Variants in ATP8A2 observed in about 807,000 individuals in gnomAD.
The protein encoded by ATP8A2 is ATPase phospholipid transporting 8A2, also known as phospholipid-transporting ATPase IB.
In ATP8A2, 100 loss-of-function variants were observed where a neutral mutation model predicts 165.6. The ratio of observed to expected loss-of-function variants is 0.60; its 90% CI spans 0.51 to 0.71. The LOEUF is 0.71. ATP8A2 is among the 30% of genes least tolerant of loss of function. The pLI, the probability that ATP8A2 is intolerant of heterozygous loss-of-function variation, is 0.00. For missense variants in ATP8A2, 1,227 were observed against 1,479.5 expected (o/e 0.83, Z 2.80); for synonymous variants, 543 against 548.8 (o/e 0.99, Z 0.15).
chr13:25,838,522 GC>G (rs1951678158), intron 29 of ATP8A2, among the ~76,000 whole-genome samples: 1 of 151,634 alleles, frequency 6.6e-6, no homozygotes, highest in African/African-American at 2.4e-5. Context: ...GTAAGTAAGA[GC>G]TGAGAATGCA....
chr13:25,399,815 A>C (rs1360938753), intron 1 of ATP8A2, among the ~76,000 whole-genome samples: 664 of 87,650 alleles, frequency 7.6e-3, no homozygotes, highest in East Asian at 0.013. Context: ...TCTCCTTCCT[A>C]CTCTTCCTCT....
intron 7 of ATP8A2, among the ~76,000 whole-genome samples, chr13:25,539,018 G>A (rs1419870477): frequency 6.6e-6 from 1 of 151,580 alleles, no homozygotes; most frequent in African/African-American, 2.4e-5. Flanking sequence ...TGATAGTTCG[G>A]GCTTTAAGTC....
In ATP8A2 at chr13:25,961,442, C is replaced by T. The variant is rs571662853; in HGVS notation, c.3184-133C>T. ...CGTCCCCCTGATGGTCCTGCCAGTG[C>T]ATGGGTTACCTCTCATTGCATTTAG... is the stretch of plus-strand genomic sequence containing the variant. On this transcript the variant is annotated intron_variant, in intron 33 of 36. Transcript: ENST00000381655. 9 of 685,580 alleles carry T rather than the reference C, an allele frequency of 1.3e-5. No homozygotes were observed. In the South Asian group the frequency reaches 1.6e-4, roughly 12 times the overall value. 42.5% of individuals were successfully genotyped at this position (685,580 alleles called of 1,614,324 possible).
At chr13:25,700,664 A>T (rs1372131439) in intron 25 of ATP8A2, among the ~76,000 whole-genome samples, 1 of 152,144 alleles carries the variant, frequency 6.6e-6, no homozygotes, top group Non-Finnish European at 1.5e-5. Flanking sequence ...TACTGTGAAG[A>T]TTGATGTACA....
intron 25 of ATP8A2, among the ~76,000 whole-genome samples, chr13:25,732,266 G>A (rs148165053): frequency 1.3e-4 from 20 of 152,280 alleles, no homozygotes; most frequent in Middle Eastern, 3.4e-3. Flanking sequence ...GAGCAGCCTC[G>A]CATGTTGGGA....
In ATP8A2 at chr13:25,577,136, GC is replaced by G; in HGVS notation, c.1781del (p.Ala594ValfsTer4). On this transcript the variant is annotated frameshift_variant and splice_region_variant, in exon 20 of 37. Coordinates refer to ENST00000381655, the MANE Select transcript of ATP8A2 (RefSeq NM_016529.6). LOFTEE classifies it high-confidence loss of function. Reference sequence around the variant, plus strand: ...ACGACTTCGGCTTTACTGTAAAGGGGCTGTAAGTACCGGAGAAGCGTTGTGC... The same window carrying G: ...ACGACTTCGGCTTTACTGTAAAGGGGTGTAAGTACCGGAGAAGCGTTGTGC... Reference protein sequence around the residue: ...SGRLRLYCKGADNVIFERLSK... With the variant: ...SGRLRLYCKGXDNVIFERLSK... The G allele has an allele frequency of 6.2e-7, 1 of 1,613,684 alleles. No individual in the cohort carries two copies. Among genetic ancestry groups the G allele is most frequent in the Non-Finnish European group, 8.5e-7 (1 of 1,179,606 alleles).
rs200688917 is a variant in ATP8A2 at position 25,410,209 on chromosome 13, G to GT, written c.76+37929dup. On this transcript the variant is annotated intron_variant, in intron 1 of 36. Coordinates refer to ENST00000381655, the MANE Select transcript of ATP8A2 (RefSeq NM_016529.6). Reference sequence around the variant, plus strand: ...GAATTTATGTAGACAGTCCGTAGTGGTTTTTTTTCCCCCTTATGGTAAAGT... The same window carrying GT: ...GAATTTATGTAGACAGTCCGTAGTGGTTTTTTTTTCCCCCTTATGGTAAAGT... 7.3e-4 allele frequency among the ~76,000 whole-genome samples: 110 copies of GT among 151,518 alleles called. 1 individual carries two copies. In the Middle Eastern group the frequency reaches 0.01, roughly 14 times the overall value.
intron 33 of ATP8A2, among the ~76,000 whole-genome samples, chr13:25,865,284 T>C (rs925556080): frequency 6.6e-6 from 1 of 152,204 alleles, no homozygotes; most frequent in South Asian, 2.1e-4. Context: ...AATGACTGTT[T>C]GAAGAATGCT....
intron 2 of ATP8A2, among the ~76,000 whole-genome samples, chr13:25,512,405 C>T (rs1023986500): frequency 6.6e-6 from 1 of 152,122 alleles, no homozygotes; most frequent in Non-Finnish European, 1.5e-5. Flanking sequence ...GTACACCTCC[C>T]AGACGGGGTG....
intron 36 of ATP8A2, among the ~76,000 whole-genome samples, chr13:26,013,638 C>T (rs1956895970): frequency 6.6e-6 from 1 of 150,868 alleles, no homozygotes; most frequent in Admixed American, 6.6e-5. Context: ...CATGCCATTG[C>T]ACTCCAGCCT....
intron 30 of ATP8A2, among the ~76,000 whole-genome samples, chr13:25,856,697 A>T (rs528242183): frequency 1.3e-3 from 192 of 152,278 alleles, no homozygotes; most frequent in African/African-American, 4.3e-3. Flanking sequence ...TTTTCCAAAA[A>T]TTTTCATCAC....
rs2039726864 is a variant in ATP8A2, at chr13:25,579,935, G to A, written c.1995G>A (p.Glu665=). The A allele has an allele frequency of 2.0e-5, 33 of 1,613,998 alleles. No homozygotes were observed. Among genetic ancestry groups the A allele is most frequent in the Non-Finnish European group, 2.8e-5 (33 of 1,179,950 alleles). The change falls in exon 22 of 37, where the codon GAG becomes GAA. Residue 665 remains glutamate, a synonymous_variant. Transcript: ENST00000381655. ...DRAQRLEECY[E]IIEKNLLLLG... Reference sequence around the variant, plus strand: ...CTCAACGGTTGGAAGAGTGTTACGAGATCATTGAGAAGGTAACCGCACACA... The same window carrying A: ...CTCAACGGTTGGAAGAGTGTTACGAAATCATTGAGAAGGTAACCGCACACA...
At chr13:25,520,613 T>G (rs71431755) in intron 2 of ATP8A2, among the ~76,000 whole-genome samples, 11,660 of 149,294 alleles carry the variant, frequency 0.078, 591 homozygotes, top group African/African-American at 0.15. Context: ...TTTGTTTTTT[T>G]TTTTTGAGAT....
intron 1 of ATP8A2, among the ~76,000 whole-genome samples, chr13:25,390,414 T>C (rs1458688706): frequency 6.6e-6 from 1 of 152,306 alleles, no homozygotes; most frequent in East Asian, 1.9e-4. Context: ...TTGATGACTT[T>C]CACAAATACA....
chr13:25,460,634 A>T (rs1463870654), intron 1 of ATP8A2, among the ~76,000 whole-genome samples: 3 of 152,218 alleles, frequency 2.0e-5, no homozygotes, highest in Non-Finnish European at 4.4e-5. Context: ...GTTTTGAGGA[A>T]CAGAAGCCCA....
rs2045103030 is a variant in ATP8A2 at position 25,789,111 on chromosome 13, ATAT to A, written c.2679+14153_2679+14155del. On this transcript the variant is annotated intron_variant, in intron 27 of 36. Coordinates refer to ENST00000381655, the MANE Select transcript of ATP8A2 (RefSeq NM_016529.6). ...GGTCCATGGTATTTCAAAATCATAG[ATAT>A]ATAGATCTTTTAAATGACAATAATG... 5.3e-5 allele frequency among the ~76,000 whole-genome samples: 8 copies of A among 152,318 alleles called. No homozygotes were observed. The South Asian group carries it at 1.7e-3, about 32-fold the overall frequency.
At chr13:25,506,529 T>C (rs1038081743) in intron 2 of ATP8A2, among the ~76,000 whole-genome samples, 11 of 152,194 alleles carry the variant, frequency 7.2e-5, no homozygotes, top group South Asian at 2.1e-4. Flanking sequence ...ATGTACCCAT[T>C]TGGAAACCCT....
intron 24 of ATP8A2, chr13:25,591,294 T>G: frequency 2.2e-6 from 1 of 456,700 alleles, no homozygotes; most frequent in African/African-American, 2.0e-5. Context: ...TGTGCCCCTT[T>G]GAACAACTAC....
chr13:25,395,418 G>A (rs1275414224), intron 1 of ATP8A2, among the ~76,000 whole-genome samples: 1 of 151,986 alleles, frequency 6.6e-6, no homozygotes, highest in Non-Finnish European at 1.5e-5. Flanking sequence ...CTGAAAGTTT[G>A]CTGAAAAAAT....
Sources: gnomAD v4.1 joint callset for allele counts (sites outside exome capture counted in the v4.1 genomes callset) on GRCh38, gnomAD v4.1.1 for gene constraint, MANE v1.5 for transcripts, NCBI Gene and HGNC (gene_info 2026-07-23, HGNC 2026-07-21) for gene names.